Variants in SLC25A1 observed in about 807,000 individuals in gnomAD.
The protein encoded by SLC25A1 is solute carrier family 25 member 1, also known as tricarboxylate transport protein, mitochondrial.
A neutral mutation model predicts 38.1 loss-of-function variants in SLC25A1; 26 were observed. That is an observed-to-expected ratio of 0.68 (90% CI 0.50 to 0.95). SLC25A1 has a LOEUF of 0.95. SLC25A1 is among the 40% of genes least tolerant of loss of function. The probability of loss-of-function intolerance (pLI) is 0.00; values close to 1 mark genes in which losing one functional copy is unlikely to be tolerated. For missense variants in SLC25A1, 378 were observed against 426.6 expected (o/e 0.89, Z 1.00); for synonymous variants, 211 against 183.2 (o/e 1.15, Z -1.23).
chr22:19,178,629 G>GGGCGCGGCGGCCGCC lies in SLC25A1; in HGVS notation c.30_44dup (p.Ala12_Ala16dup). The GGGCGCGGCGGCCGCC allele has an allele frequency of 8.4e-7, 1 of 1,193,504 alleles. No individual in the cohort carries two copies. The highest frequency in any genetic ancestry group is 1.0e-6 in the Non-Finnish European group (1 of 963,398). The allele number at this position is 1,193,504 out of a possible 1,614,324, so 73.9% of individuals were successfully genotyped here. On this transcript the variant is annotated inframe_insertion, in exon 1 of 9. Transcript: ENST00000215882. This position sits in a 1 kb window ranked among gnomAD's most constrained non-coding sequence, Gnocchi z 4.9. ...GCGTCAGCTTGGCCTTCCCGGACGC[G>GGGCGCGGCGGCCGCC]GGCGCGGCGGCCGCCAGAGCGCGCG...
rs782771350 is a variant in SLC25A1 at position 19,178,111 on chromosome 22, G to A, written c.202+22C>T. ...GCCCTGGGTACCCGCCCCCCGCGGC[G>A]CCGCGGCCTCCCCCTCCTCACCGAT... On this transcript the variant is annotated intron_variant, in intron 2 of 8. Transcript: ENST00000215882. The surrounding 1 kb of genome is among the most constrained non-coding windows in gnomAD (Gnocchi z 4.9). The A allele has an allele frequency of 6.5e-7, 1 of 1,532,788 alleles. No individual in the cohort carries two copies. Among genetic ancestry groups the A allele is most frequent in the Non-Finnish European group, 8.8e-7 (1 of 1,140,056 alleles). The allele number at this position is 1,532,788 out of a possible 1,614,324, so 94.9% of individuals were successfully genotyped here. A position where few individuals can be genotyped will look rare whatever the true frequency, so the allele number is the denominator to read the frequency against.
In SLC25A1 at chr22:19,175,980, G is replaced by A; in HGVS notation, c.*150C>T. 3.0e-6 allele frequency: 2 copies of A among 663,170 alleles called. No individual in the cohort carries two copies. Among genetic ancestry groups the A allele is most frequent in the Non-Finnish European group, 5.5e-6 (2 of 366,138 alleles). 41.1% of individuals were successfully genotyped at this position (663,170 alleles called of 1,614,324 possible). A position where few individuals can be genotyped will look rare whatever the true frequency, so the allele number is the denominator to read the frequency against. ...CACACAGACCACAGGGGGGACACAT[G>A]GATTTGACAGCCACAATGCACAGAC... On this transcript the variant is annotated 3_prime_UTR_variant, in exon 9 of 9. Coordinates refer to ENST00000215882, the MANE Select transcript of SLC25A1 (RefSeq NM_005984.5).
rs147446778 is a variant in SLC25A1, at chr22:19,176,938, G to A, written c.539C>T (p.Thr180Met). The A allele has an allele frequency of 1.4e-4, 227 of 1,613,428 alleles. No individual in the cohort carries two copies. The highest frequency in any genetic ancestry group is 1.9e-4 in the Non-Finnish European group (222 of 1,180,000). ...EIVREQGLKG[T>M]YQGLTATVLK... Reference sequence around the variant, plus strand: ...GACAGTGGCTGTGAGGCCCTGGTACGTCCCCTTCAGCCCTGCGGGAAGGCA... The same window carrying A: ...GACAGTGGCTGTGAGGCCCTGGTACATCCCCTTCAGCCCTGCGGGAAGGCA... Residue 180 changes from threonine (T) to methionine (M), a missense_variant, in exon 6 of 9, where the codon ACG becomes ATG. Physicochemically the swap from Thr to Met is moderately conservative, Grantham distance 81. Coordinates refer to ENST00000215882, the MANE Select transcript of SLC25A1 (RefSeq NM_005984.5).
rs782004176 is a variant in SLC25A1, at chr22:19,176,466, G to C, written c.776C>G (p.Thr259Arg). 15 of 1,613,726 alleles carry C rather than the reference G, an allele frequency of 9.3e-6. No individual in the cohort carries two copies. Among genetic ancestry groups the C allele is most frequent in the South Asian group, 2.2e-5 (2 of 91,090 alleles). Residue 259 changes from threonine (T) to arginine (R), a missense_variant, in exon 8 of 9, where the codon ACG becomes AGG. By Grantham distance (71) the Thr-to-Arg change is moderately conservative (BLOSUM62 -1). Transcript: ENST00000215882. ...CAGGATCTGCAAGCCGCAGTCCCAC[G>C]TGTTCCGGTATTTGTGCGCCTCCAG... The part of the protein sequence containing the change: ...QGLEAHKYRN[T>R]WDCGLQILKK...
At position 19,176,411 on chromosome 22, in the gene SLC25A1, C is replaced by T; in HGVS notation, c.821+10G>A. ...GGTGGGGACAATAGCCCTGCCCCTC[C>T]CCCACTCACGCCTTGAGCCCCTCCT... On this transcript the variant is annotated intron_variant, in intron 8 of 8. Transcript: ENST00000215882. The T allele has an allele frequency of 5.6e-6, 9 of 1,613,180 alleles. No homozygotes were observed. Among genetic ancestry groups the T allele is most frequent in the Non-Finnish European group, 7.6e-6 (9 of 1,179,662 alleles).
rs782732718 is a variant in SLC25A1, at chr22:19,176,901, G to A, written c.576C>T (p.Gly192=). Residue 192 remains glycine (G), a synonymous_variant, in exon 6 of 9, where the codon GGC becomes GGT. Coordinates refer to ENST00000215882, the MANE Select transcript of SLC25A1 (RefSeq NM_005984.5). ...QGLTATVLKQ[G]SNQAIRFFVM... ...CGAAGAAGCGGATGGCCTGGTTCGA[G>A]CCCTGCTTCAGGACAGTGGCTGTGA... is the stretch of plus-strand genomic sequence containing the variant. The A allele has an allele frequency of 6.8e-6, 11 of 1,613,694 alleles. No individual in the cohort carries two copies. Among genetic ancestry groups the A allele is most frequent in the Admixed American group, 5.0e-5 (3 of 60,008 alleles).
At chr22:19,177,002 G>T in intron 5 of SLC25A1, 52 bp from the exon 6 acceptor site, 1 of 1,603,892 alleles carries the variant, frequency 6.2e-7, no homozygotes. Flanking sequence ...GCCCCGGTTG[G>T]GAATTGGTGT....
chr22:19,178,462 A>T lies in SLC25A1; in HGVS notation c.94+118T>A. 17 of 1,352,118 alleles carry T rather than the reference A, an allele frequency of 1.3e-5. No homozygotes were observed. Among genetic ancestry groups the T allele is most frequent in the Non-Finnish European group, 1.6e-5 (17 of 1,058,076 alleles). The allele number at this position is 1,352,118 out of a possible 1,614,324, so 83.8% of individuals were successfully genotyped here. A position where few individuals can be genotyped will look rare whatever the true frequency, so the allele number is the denominator to read the frequency against. ...CCCAGCGCGCCGGGTGGGGACCAGG[A>T]CCGCGCCTCCACGACTCCCCAGCCC... On this transcript the variant is annotated intron_variant, in intron 1 of 8. Coordinates refer to ENST00000215882, the MANE Select transcript of SLC25A1 (RefSeq NM_005984.5). The surrounding 1 kb of genome is among the most constrained non-coding windows in gnomAD (Gnocchi z 4.9).
At chr22:19,176,356 G>A (rs1340140523) in intron 8 of SLC25A1, 65 bp downstream of exon 8, 5 of 1,572,680 alleles carry the variant, frequency 3.2e-6, no homozygotes, top group Non-Finnish European at 4.4e-6. Context: ...GGACAGAGTG[G>A]GCAGGCCAGG....
rs1005725240 is a variant in SLC25A1, at chr22:19,178,469, C to T, written c.94+111G>A. ...CGCCGGGTGGGGACCAGGACCGCGC[C>T]TCCACGACTCCCCAGCCCACGGCCC... On this transcript the variant is annotated intron_variant, in intron 1 of 8. Coordinates refer to ENST00000215882, the MANE Select transcript of SLC25A1 (RefSeq NM_005984.5). The surrounding 1 kb of genome is among the most constrained non-coding windows in gnomAD (Gnocchi z 4.9). The T allele has an allele frequency of 3.0e-6, 4 of 1,347,058 alleles. No homozygotes were observed. The African/African-American group carries it at 6.2e-5, about 21-fold the overall frequency. 83.4% of individuals were successfully genotyped at this position (1,347,058 alleles called of 1,614,324 possible). A position where few individuals can be genotyped will look rare whatever the true frequency, so the allele number is the denominator to read the frequency against.
At position 19,176,470 on chromosome 22, in the gene SLC25A1, T is replaced by G; in HGVS notation, c.772A>C (p.Asn258His). The G allele has an allele frequency of 6.2e-7, 1 of 1,613,834 alleles. No individual in the cohort carries two copies. The highest frequency in any genetic ancestry group is 2.2e-5 in the East Asian group (1 of 44,872). ...MQGLEAHKYR[N>H]TWDCGLQILK... Reference sequence around the variant, plus strand: ...ATCTGCAAGCCGCAGTCCCACGTGTTCCGGTATTTGTGCGCCTCCAGGCCC... The same window carrying G: ...ATCTGCAAGCCGCAGTCCCACGTGTGCCGGTATTTGTGCGCCTCCAGGCCC... Residue 258 changes from asparagine (N) to histidine (H), a missense_variant, in exon 8 of 9, where the codon AAC becomes CAC. By Grantham distance (68) the Asn-to-His change is moderately conservative. Transcript: ENST00000215882.
In SLC25A1 at chr22:19,178,389, C is replaced by T. The variant is rs1555923463; in HGVS notation, c.95-149G>A. On this transcript the variant is annotated intron_variant, in intron 1 of 8. Coordinates refer to ENST00000215882, the MANE Select transcript of SLC25A1 (RefSeq NM_005984.5). The surrounding 1 kb of genome is among the most constrained non-coding windows in gnomAD (Gnocchi z 4.9). The stretch of plus-strand genomic sequence containing the variant: ...GCCCCACGCCCCCATGCCCTCACCC[C>T]GTTGTCCCGGCGAGGCGCAGGGGGT... The T allele has an allele frequency of 1.4e-6, 2 of 1,406,482 alleles. No homozygotes were observed. The highest frequency in any genetic ancestry group is 2.9e-5 in the East Asian group (1 of 34,758). The allele number at this position is 1,406,482 out of a possible 1,614,324, so 87.1% of individuals were successfully genotyped here. A position where few individuals can be genotyped will look rare whatever the true frequency, so the allele number is the denominator to read the frequency against.
chr22:19,175,688 C>T lies in SLC25A1; in HGVS notation c.*442G>A, dbSNP rs1225091230. ...CCCGAGGGCCAGTTAAGGCCAATGG[C>T]GGGAGAAGCAGGGGGCTGCAGCCCC... On this transcript the variant is annotated 3_prime_UTR_variant, in exon 9 of 9. Coordinates refer to ENST00000215882, the MANE Select transcript of SLC25A1 (RefSeq NM_005984.5). The T allele has an allele frequency of 1.4e-5, 3 of 219,034 alleles. No homozygotes were observed. Among genetic ancestry groups the T allele is most frequent in the East Asian group, 1.3e-4 (1 of 7,750 alleles). 13.6% of individuals were successfully genotyped at this position (219,034 alleles called of 1,614,324 possible).
In SLC25A1 at chr22:19,176,642, G is replaced by T; in HGVS notation, c.683C>A (p.Ala228Asp). 2 of 1,613,996 alleles carry T rather than the reference G, an allele frequency of 1.2e-6. No homozygotes were observed. The highest frequency in any genetic ancestry group is 1.7e-6 in the Non-Finnish European group (2 of 1,180,016). Residue 228 changes from alanine to aspartate, a missense_variant, in exon 7 of 9, where the codon GCT (alanine) becomes GAT (aspartate). Ala to Asp is a moderately radical substitution (Grantham distance 126). Coordinates refer to ENST00000215882, the MANE Select transcript of SLC25A1 (RefSeq NM_005984.5). ...MNPLITGVFG[A>D]IAGAASVFGN... Reference sequence around the variant, plus strand: ...AAAGACACTGGCTGCGCCTGCAATAGCTCCGAAGACCCCAGTGATCAGAGG... The same window carrying T: ...AAAGACACTGGCTGCGCCTGCAATATCTCCGAAGACCCCAGTGATCAGAGG...
At chr22:19,177,063 G>A (rs1468092596) in intron 5 of SLC25A1, 57 bp downstream of exon 5, 1 of 1,586,174 alleles carries the variant, frequency 6.3e-7, no homozygotes, top group Non-Finnish European at 8.7e-7. Context: ...GGAGGTGCAG[G>A]CCCTTCCCAC....
rs1491564479 is a variant in SLC25A1 at position 19,175,877 on chromosome 22, AAC to A, written c.*251_*252del. 7.6e-5 allele frequency: 6 copies of A among 78,832 alleles called. No homozygotes were observed. Among genetic ancestry groups the A allele is most frequent in the Non-Finnish European group, 1.1e-4 (6 of 53,270 alleles). 4.9% of individuals were successfully genotyped at this position (78,832 alleles called of 1,614,324 possible). On this transcript the variant is annotated 3_prime_UTR_variant, in exon 9 of 9. Transcript: ENST00000215882. ...CAGGGTCACGTGACACAGAACATGA[AAC>A]ACAGGCACAGGGTCATAGGCCAGAT...
At position 19,176,828 on chromosome 22, in the gene SLC25A1, C is replaced by G; in HGVS notation, c.631+18G>C. On this transcript the variant is annotated intron_variant, in intron 6 of 8. Transcript: ENST00000215882. ...AGCTGGCCATGTGCAGAGATGGGGC[C>G]CTGTGATGCAGACACACCTCGGTAC... is the stretch of plus-strand genomic sequence containing the variant. The G allele has an allele frequency of 6.2e-7, 1 of 1,612,608 alleles. No individual in the cohort carries two copies. Among genetic ancestry groups the G allele is most frequent in the Non-Finnish European group, 8.5e-7 (1 of 1,178,964 alleles).
Position 19,176,432 on chromosome 22 carries a change from C to T in SLC25A1, c.810G>A (p.Glu270=), listed in dbSNP as rs781896870. 4 of 1,613,634 alleles carry T rather than the reference C, an allele frequency of 2.5e-6. No homozygotes were observed. The highest frequency in any genetic ancestry group is 1.1e-5 in the South Asian group (1 of 91,092). ...CCTCCCCCACTCACGCCTTGAGCCCCTCCTTCTTCAGGATCTGCAAGCCGC... is the reference window on the plus strand; with the variant it reads ...CCTCCCCCACTCACGCCTTGAGCCCTTCCTTCTTCAGGATCTGCAAGCCGC... ...WDCGLQILKK[E]GLKAFYKGTV... Residue 270 remains glutamate (E), a synonymous_variant, in exon 8 of 9, where the codon GAG becomes GAA. Coordinates refer to ENST00000215882, the MANE Select transcript of SLC25A1 (RefSeq NM_005984.5).
chr22:19,176,587 G>A lies in SLC25A1; in HGVS notation c.738C>T (p.Thr246=). 6.2e-7 allele frequency: 1 copy of A among 1,613,632 alleles called. No homozygotes were observed. The highest frequency in any genetic ancestry group is 8.5e-7 in the Non-Finnish European group (1 of 1,179,788). ...TTCCCGGCCCCACCACCTGCATCCG[G>A]GTCTTAATCACATCCAGAGGAGTGT... The part of the protein sequence containing the change: ...FGNTPLDVIK[T]RMQGLEAHKY... Residue 246 remains threonine, a synonymous_variant, in exon 7 of 9, where the codon ACC becomes ACT. Transcript: ENST00000215882.
Sources: allele counts gnomAD v4.1 joint callset, GRCh38; gene constraint gnomAD v4.1.1; non-coding constraint Gnocchi (gnomAD v3.1); transcripts MANE v1.5; gene names NCBI Gene and HGNC (gene_info 2026-07-23, HGNC 2026-07-21).